The following ASIC2 variants were observed in gnomAD, a reference collection of about 807,000 sequenced individuals.
The protein encoded by ASIC2 is acid-sensing ion channel 2.
Under a neutral mutation model 57.3 loss-of-function variants are expected in ASIC2, and 25 were observed. The ratio of observed to expected loss-of-function variants is 0.44; its 90% CI spans 0.32 to 0.61. The LOEUF is 0.61. ASIC2 is among the 20% of genes least tolerant of loss of function. The pLI is 0.06. For missense variants in ASIC2, 641 were observed against 738.1 expected (o/e 0.87, Z 1.52); for synonymous variants, 319 against 307.5 (o/e 1.04, Z -0.39).
At chr17:33,546,873 C>T (rs2141973497) in intron 1 of ASIC2, among the ~76,000 whole-genome samples, 1 of 152,300 alleles carries the variant, frequency 6.6e-6, no homozygotes, top group Admixed American at 6.5e-5. Flanking sequence ...GTGACTGGTT[C>T]TCACTAAAGC....
intron 1 of ASIC2, among the ~76,000 whole-genome samples, chr17:33,244,152 A>AAG (rs1163324915): frequency 6.6e-6 from 1 of 152,228 alleles, no homozygotes; most frequent in African/African-American, 2.4e-5. Context: ...GAGACAGCCT[A>AAG]AGGAAGTGTA....
At chr17:33,354,452 C>T (rs1331242630) in intron 1 of ASIC2, among the ~76,000 whole-genome samples, 1 of 152,146 alleles carries the variant, frequency 6.6e-6, no homozygotes, top group African/African-American at 2.4e-5. Context: ...AGCTATCCCC[C>T]ACATAAGATC....
At chr17:33,243,002 C>T (rs1172088236) in intron 1 of ASIC2, among the ~76,000 whole-genome samples, 4 of 152,242 alleles carry the variant, frequency 2.6e-5, no homozygotes, top group Non-Finnish European at 4.4e-5. Flanking sequence ...TTTCTGTTGC[C>T]GTGGCCAGAT....
intron 1 of ASIC2, among the ~76,000 whole-genome samples, chr17:33,965,386 C>T (rs745808883): frequency 1.3e-5 from 2 of 152,018 alleles, no homozygotes; most frequent in Non-Finnish European, 2.9e-5. Context: ...AACATGAAGC[C>T]ACACCTTGCA....
chr17:33,899,186 C>T (rs529040622), intron 1 of ASIC2, among the ~76,000 whole-genome samples: 3 of 150,916 alleles, frequency 2.0e-5, no homozygotes, highest in Non-Finnish European at 1.5e-5. Flanking sequence ...AAAAAGTTTT[C>T]AGCAGAGGCA....
At chr17:33,307,299 T>G (rs1223442755) in intron 1 of ASIC2, among the ~76,000 whole-genome samples, 2 of 151,646 alleles carry the variant, frequency 1.3e-5, no homozygotes, top group Non-Finnish European at 2.9e-5. Flanking sequence ...CTTCTTCTTC[T>G]TCTTCTTTTT....
Position 33,550,748 on chromosome 17 carries a change from G to A in ASIC2, c.556-438681C>T, listed in dbSNP as rs79815535. ...ATAACTGCTGAGTAAAGAGATTATG[G>A]TTTCTAGAGAAGGTACATTTGCAGT... On this transcript the variant is annotated intron_variant, in intron 1 of 9. Coordinates refer to the ASIC2 transcript ENST00000359872. Among the ~76,000 whole-genome samples the A allele has an allele frequency of 4.1e-3, 630 of 152,324 alleles. 3 individuals carry two copies. Among genetic ancestry groups the A allele is most frequent in the South Asian group, 0.031 (149 of 4,818 alleles).
chr17:33,032,936 T>C lies in ASIC2; in HGVS notation c.988-4544A>G, dbSNP rs540320195. Among the ~76,000 whole-genome samples, 5 of 152,282 alleles carry C rather than the reference T, an allele frequency of 3.3e-5. No homozygotes were observed. The South Asian group carries it at 1.0e-3, about 32-fold the overall frequency. On this transcript the variant is annotated intron_variant, in intron 3 of 9. Transcript: ENST00000225823. ...CTCTTTTAACTTTTTTTTTTTAGAA[T>C]GGGTTTACTTATGGCAAAATTTCTC...
At chr17:33,874,065 G>A (rs1442638418) in intron 1 of ASIC2, among the ~76,000 whole-genome samples, 3 of 152,166 alleles carry the variant, frequency 2.0e-5, no homozygotes, top group Non-Finnish European at 4.4e-5. Flanking sequence ...TTCGGGCTTG[G>A]CCTCTCCTAG....
intron 1 of ASIC2, among the ~76,000 whole-genome samples, chr17:33,512,122 A>G (rs1473899885): frequency 6.6e-6 from 1 of 152,238 alleles, no homozygotes; most frequent in African/African-American, 2.4e-5. Context: ...GGAAAAAATC[A>G]TATCACTTTT....
At chr17:33,289,990 A>C (rs1362858359) in intron 1 of ASIC2, among the ~76,000 whole-genome samples, 3 of 152,214 alleles carry the variant, frequency 2.0e-5, no homozygotes, top group Non-Finnish European at 4.4e-5. Context: ...GTCCTGGAAG[A>C]AATCACTTAG....
At chr17:33,511,559 C>T (rs1207800197) in intron 1 of ASIC2, among the ~76,000 whole-genome samples, 1 of 152,138 alleles carries the variant, frequency 6.6e-6, no homozygotes, top group South Asian at 2.1e-4. Flanking sequence ...CAAAACCAAC[C>T]TTTGGTGATT....
At chr17:33,900,102 G>A (rs994569802) in intron 1 of ASIC2, among the ~76,000 whole-genome samples, 2 of 152,168 alleles carry the variant, frequency 1.3e-5, no homozygotes, top group East Asian at 1.9e-4. Context: ...CATGGTAACC[G>A]CACATAGTAG....
At chr17:33,846,875 G>A (rs534928004) in intron 1 of ASIC2, among the ~76,000 whole-genome samples, 151 of 152,044 alleles carry the variant, frequency 9.9e-4, no homozygotes, top group African/African-American at 3.5e-3. Context: ...TTAAGTCTAC[G>A]GTCTCTTCCC....
intron 1 of ASIC2, among the ~76,000 whole-genome samples, chr17:33,455,798 A>C (rs190569264): frequency 2.0e-5 from 3 of 152,352 alleles, no homozygotes; most frequent in Non-Finnish European, 4.4e-5. Flanking sequence ...TATCTGAAGG[A>C]CTGACTAGAT....
At chr17:33,951,609 G>A (rs1432656269) in intron 1 of ASIC2, among the ~76,000 whole-genome samples, 6 of 150,612 alleles carry the variant, frequency 4.0e-5, no homozygotes, top group Admixed American at 6.6e-5. Flanking sequence ...TTTCGATGGA[G>A]TCTCACTCTG....
chr17:33,466,702 A>G (rs943919816), intron 1 of ASIC2, among the ~76,000 whole-genome samples: 18 of 152,298 alleles, frequency 1.2e-4, no homozygotes, highest in South Asian at 8.3e-4. Context: ...CACATCTACA[A>G]TGATCTGATC....
At chr17:33,143,589 A>G (rs1904418776) in intron 1 of ASIC2, among the ~76,000 whole-genome samples, 1 of 152,214 alleles carries the variant, frequency 6.6e-6, no homozygotes, top group Non-Finnish European at 1.5e-5. Flanking sequence ...CAACTGAGTT[A>G]ACTCCTGACT....
At position 33,285,178 on chromosome 17, in the gene ASIC2, G is replaced by A. The variant is rs78024528; in HGVS notation, c.708+6230C>T. 1.5e-3 allele frequency among the ~76,000 whole-genome samples: 235 copies of A among 152,312 alleles called. 9 individuals are homozygous for A. The East Asian group carries it at 0.043, about 28-fold the overall frequency. On this transcript the variant is annotated intron_variant, in intron 1 of 9. Transcript: ENST00000225823. ...GGGCAGACATTTGATTGATGCCTTC[G>A]TGACTGGCCAAAGTGGCCCCAAAAT...
Sources: gnomAD v4.1 joint callset for allele counts (sites outside exome capture counted in the v4.1 genomes callset) on GRCh38, gnomAD v4.1.1 for gene constraint, MANE v1.5 for transcripts, NCBI Gene and HGNC (gene_info 2026-07-23, HGNC 2026-07-21) for gene names.